Variants in CCDC91 observed in about 807,000 individuals in gnomAD.
The protein encoded by CCDC91 is coiled-coil domain containing 91, also known as coiled-coil domain-containing protein 91.
CCDC91 carries 48 observed loss-of-function variants against 63.2 expected under a neutral mutation model. That is an observed-to-expected ratio of 0.76 (90% CI 0.60 to 0.97). The LOEUF (loss-of-function observed/expected upper bound fraction) is 0.97. Among genes scored for constraint, CCDC91 ranks in the 50% least tolerant of loss-of-function variants. The pLI is 0.00. For synonymous variants in CCDC91, 167 were observed against 165.8 expected, an observed-to-expected ratio of 1.01 and a Z score of -0.06; for missense variants, 500 against 494.6, an observed-to-expected ratio of 1.01 and a Z score of -0.10.
chr12:28,358,689 T>C (rs145337284), intron 6 of CCDC91, among the ~76,000 whole-genome samples: 1 of 152,320 alleles, frequency 6.6e-6, no homozygotes, highest in East Asian at 1.9e-4. Flanking sequence ...TGATAGGTGC[T>C]ATGAGAAAAA....
chr12:28,358,274 AC>A (rs1215401861), intron 6 of CCDC91, among the ~76,000 whole-genome samples: 1 of 152,146 alleles, frequency 6.6e-6, no homozygotes. Flanking sequence ...ATCTACTTGA[AC>A]CTGTCAAGGA....
intron 3 of CCDC91, among the ~76,000 whole-genome samples, chr12:28,278,337 G>A (rs1043851546): frequency 2.0e-5 from 3 of 151,606 alleles, no homozygotes; most frequent in Admixed American, 2.0e-4. Context: ...TTAGGGTTTT[G>A]TCCTTGATCC....
chr12:28,370,020 C>G (rs1164033222), intron 7 of CCDC91, among the ~76,000 whole-genome samples: 3 of 152,218 alleles, frequency 2.0e-5, no homozygotes, highest in Admixed American at 2.0e-4. Context: ...CTTTAAAATG[C>G]CCTGAAGACA....
At chr12:28,374,162 C>A (rs1222437411) in intron 7 of CCDC91, among the ~76,000 whole-genome samples, 1 of 152,120 alleles carries the variant, frequency 6.6e-6, no homozygotes, top group African/African-American at 2.4e-5. Flanking sequence ...TTCCACCCCC[C>A]TTTCCTTGTT....
Position 28,436,340 on chromosome 12 carries a change from A to C in CCDC91, c.763-13821A>C, listed in dbSNP as rs116092175. On this transcript the variant is annotated intron_variant, in intron 8 of 12. Transcript: ENST00000536442. Reference sequence around the variant, plus strand: ...ACTAATCCAATTTAACTTTCAGAGGATAGTATGCCATTTCACAGATAGTGT... The same window carrying C: ...ACTAATCCAATTTAACTTTCAGAGGCTAGTATGCCATTTCACAGATAGTGT... Among the ~76,000 whole-genome samples the C allele has an allele frequency of 9.2e-5, 14 of 151,906 alleles. No individual in the cohort carries two copies. In the South Asian group the frequency reaches 1.9e-3, roughly 20 times the overall value.
chr12:28,304,922 C>T (rs1938544916), intron 3 of CCDC91, among the ~76,000 whole-genome samples: 1 of 151,982 alleles, frequency 6.6e-6, no homozygotes, highest in Non-Finnish European at 1.5e-5. Context: ...CCTTTCAGGA[C>T]CTTTATATTT....
chr12:28,511,807 C>T (rs531818211), intron 12 of CCDC91, among the ~76,000 whole-genome samples: 6 of 151,918 alleles, frequency 3.9e-5, no homozygotes, highest in Admixed American at 1.3e-4. Context: ...TCATTTTATG[C>T]GGCTGGCAGG....
intron 6 of CCDC91, among the ~76,000 whole-genome samples, chr12:28,356,957 A>T (rs750439582): frequency 6.6e-6 from 1 of 152,186 alleles, no homozygotes; most frequent in Non-Finnish European, 1.5e-5. Context: ...TTAAATGCTG[A>T]CTTTTAGCCA....
intron 1 of CCDC91, among the ~76,000 whole-genome samples, chr12:28,226,670 C>T (rs1944291048): frequency 6.6e-6 from 1 of 152,172 alleles, no homozygotes; most frequent in East Asian, 1.9e-4. Flanking sequence ...AATGAATGGC[C>T]AATATTTATA....
At chr12:28,476,696 AG>A (rs1300136553) in intron 11 of CCDC91, among the ~76,000 whole-genome samples, 1 of 152,106 alleles carries the variant, frequency 6.6e-6, no homozygotes, top group African/African-American at 2.4e-5. Context: ...TTTTTTGAAA[AG>A]ATCAACAAAA....
chr12:28,236,232 G>A (rs1944940706), intron 1 of CCDC91: 1 of 151,796 alleles, frequency 6.6e-6, no homozygotes, highest in Non-Finnish European at 1.5e-5. Flanking sequence ...CTTTCTCTTT[G>A]TGATTGTTTG....
At chr12:28,293,804 C>A (rs1378893520) in intron 3 of CCDC91, among the ~76,000 whole-genome samples, 5 of 151,946 alleles carry the variant, frequency 3.3e-5, no homozygotes, top group African/African-American at 1.2e-4. Context: ...TCATAGTTCA[C>A]TGCAGCTGCG....
intron 6 of CCDC91, among the ~76,000 whole-genome samples, chr12:28,317,990 T>C (rs1481627424): frequency 6.6e-6 from 1 of 151,966 alleles, no homozygotes; most frequent in Non-Finnish European, 1.5e-5. Flanking sequence ...CTTTATTCTC[T>C]GATTAGTAGT....
intron 7 of CCDC91, among the ~76,000 whole-genome samples, chr12:28,364,279 G>C (rs1944123865): frequency 6.6e-6 from 1 of 151,776 alleles, no homozygotes; most frequent in Non-Finnish European, 1.5e-5. Flanking sequence ...CCAGCTACTT[G>C]GGGGAGGCTG....
chr12:28,237,080 C>G (rs1944999523), intron 1 of CCDC91, among the ~76,000 whole-genome samples: 1 of 151,856 alleles, frequency 6.6e-6, no homozygotes, highest in Non-Finnish European at 1.5e-5. Flanking sequence ...GAAAATAGAT[C>G]ACTAAAATTT....
intron 1 of CCDC91, among the ~76,000 whole-genome samples, chr12:28,212,206 A>G (rs1313344730): frequency 6.6e-6 from 1 of 152,142 alleles, no homozygotes; most frequent in Admixed American, 6.5e-5. Flanking sequence ...TTCTGACACT[A>G]TCTGTTAAAA....
chr12:28,254,905 G>A (rs1946346493), intron 1 of CCDC91, among the ~76,000 whole-genome samples: 1 of 151,766 alleles, frequency 6.6e-6, no homozygotes, highest in Admixed American at 6.6e-5. Flanking sequence ...ACAAGTAGCT[G>A]GGATTACAGT....
chr12:28,412,065 G>A (rs1266394287), intron 8 of CCDC91, among the ~76,000 whole-genome samples: 2 of 152,148 alleles, frequency 1.3e-5, no homozygotes, highest in Non-Finnish European at 2.9e-5. Context: ...TATTACAGTT[G>A]CCCAGTGTAT....
intron 1 of CCDC91, among the ~76,000 whole-genome samples, chr12:28,216,733 A>G (rs1229002076): frequency 6.6e-6 from 1 of 152,030 alleles, no homozygotes; most frequent in Non-Finnish European, 1.5e-5. Flanking sequence ...ATGAAACTGA[A>G]ATTTCTTGAT....
Sources: gnomAD v4.1 joint callset for allele counts (sites outside exome capture counted in the v4.1 genomes callset) on GRCh38, gnomAD v4.1.1 for gene constraint, MANE v1.5 for transcripts, NCBI Gene and HGNC (gene_info 2026-07-23, HGNC 2026-07-21) for gene names.